Variants in SLC25A30 observed in about 807,000 individuals in gnomAD.
SLC25A30 encodes solute carrier family 25 member 30.
Under a neutral mutation model 42.7 loss-of-function variants are expected in SLC25A30, and 29 were observed. The ratio of observed to expected loss-of-function variants is 0.68; its 90% CI spans 0.51 to 0.93. The LOEUF (loss-of-function observed/expected upper bound fraction) is 0.93, where lower values mean the gene tolerates loss of function less well. Ranked by LOEUF, SLC25A30 falls within the 40% of genes least tolerant of loss-of-function variation. The probability of loss-of-function intolerance (pLI) is 0.00; values close to 1 mark genes in which losing one functional copy is unlikely to be tolerated. For synonymous variants in SLC25A30, 124 were observed against 131.0 expected, an observed-to-expected ratio of 0.95 and a Z score of 0.37; for missense variants, 300 against 359.7, an observed-to-expected ratio of 0.83 and a Z score of 1.34.
chr13:45,423,544 A>T, the SLC25A30 span, among the ~76,000 whole-genome samples: 1,702 of 89,556 alleles, frequency 0.019, 118 homozygotes, highest in African/African-American at 0.072. Context: ...ACAAATATAT[A>T]TAAATACATA....
At chr13:45,402,143 T>C (rs1338863750) in intron 6 of SLC25A30, 132 bp downstream of exon 6, 3 of 578,030 alleles carry the variant, frequency 5.2e-6, no homozygotes, top group Admixed American at 3.3e-5. Flanking sequence ...GATATTTTCA[T>C]GGGCAGAAGA....
At chr13:45,423,543 TATAAATACATA>T in the SLC25A30 span, among the ~76,000 whole-genome samples, 12 of 90,356 alleles carry the variant, frequency 1.3e-4, 1 homozygote, top group African/African-American at 4.3e-4. Context: ...TACAAATATA[TATAAATACATA>T]AAAAAAATAT....
At chr13:45,413,249 C>A (rs1052967745) in intron 1 of SLC25A30, among the ~76,000 whole-genome samples, 2 of 152,214 alleles carry the variant, frequency 1.3e-5, no homozygotes, top group African/African-American at 4.8e-5. Flanking sequence ...CCAAAAGACT[C>A]CTCTCATCTC....
At chr13:45,423,573 A>G in the SLC25A30 span, among the ~76,000 whole-genome samples, 2 of 83,724 alleles carry the variant, frequency 2.4e-5, no homozygotes, top group East Asian at 2.6e-4. Context: ...ATATAAATAT[A>G]TATAAAAATA....
chr13:45,423,004 G>T (rs116562069), upstream of SLC25A30, among the ~76,000 whole-genome samples: 1 of 152,050 alleles, frequency 6.6e-6, no homozygotes, highest in Non-Finnish European at 1.5e-5. Context: ...AACAGTTACC[G>T]CACTTCAAAA....
At chr13:45,417,506 A>G (rs1268229020) in intron 1 of SLC25A30, among the ~76,000 whole-genome samples, 1 of 152,168 alleles carries the variant, frequency 6.6e-6, no homozygotes, top group Non-Finnish European at 1.5e-5. Flanking sequence ...AAAGGTGCAG[A>G]AGGAAAACTA....
the SLC25A30 span, among the ~76,000 whole-genome samples, chr13:45,423,854 A>G: frequency 2.7e-5 from 2 of 72,814 alleles, no homozygotes; most frequent in East Asian, 3.5e-4. Context: ...ATGTAAATAT[A>G]TATATAAATA....
At chr13:45,421,431 A>G (rs982181533), upstream of SLC25A30, among the ~76,000 whole-genome samples, 2 of 151,736 alleles carry the variant, frequency 1.3e-5, no homozygotes, top group Non-Finnish European at 2.9e-5. Flanking sequence ...GTCCAGAAAT[A>G]TATCTACGAA....
Position 45,394,012 on chromosome 13 carries a change from G to A in SLC25A30, c.*1962C>T, listed in dbSNP as rs75376019. ...CTACATTAAAAAAAGAGCATTTCAAGAAAAGCAATCTTTAAACTCAAAGAA... is the reference window on the plus strand; with the variant it reads ...CTACATTAAAAAAAGAGCATTTCAAAAAAAGCAATCTTTAAACTCAAAGAA... On this transcript the variant is annotated 3_prime_UTR_variant, in exon 10 of 10. Coordinates refer to ENST00000519676, the MANE Select transcript of SLC25A30 (RefSeq NM_001010875.4). 1.3e-3 allele frequency: 1,315 copies of A among 985,046 alleles called. 14 individuals are homozygous for A. In the African/African-American group the frequency reaches 0.021, roughly 16 times the overall value. 61.0% of individuals were successfully genotyped at this position (985,046 alleles called of 1,614,324 possible). A position where few individuals can be genotyped will look rare whatever the true frequency, so the allele number is the denominator to read the frequency against.
At chr13:45,412,343 C>T (rs1028998905) in intron 1 of SLC25A30, among the ~76,000 whole-genome samples, 2 of 152,092 alleles carry the variant, frequency 1.3e-5, no homozygotes, top group African/African-American at 4.8e-5. Flanking sequence ...ATCTTCCAGC[C>T]CTAGCCTCCC....
upstream of SLC25A30, among the ~76,000 whole-genome samples, chr13:45,419,039 GAGAATCGCT>G (rs1160195823): frequency 1.6e-4 from 19 of 117,836 alleles, no homozygotes; most frequent in African/African-American, 5.5e-4. Context: ...GCTGAAACAG[GAGAATCGCT>G]TGAACCCGGG....
the SLC25A30 span, among the ~76,000 whole-genome samples, chr13:45,424,976 G>GTATACA: frequency 2.8e-4 from 2 of 7,110 alleles, no homozygotes; most frequent in East Asian, 5.7e-3. Context: ...ATATATATAA[G>GTATACA]TATATAAAAA....
At chr13:45,396,313 T>C (rs1881314388) in intron 9 of SLC25A30, 3 of 1,266,326 alleles carry the variant, frequency 2.4e-6, no homozygotes, top group Non-Finnish European at 3.0e-6. Context: ...TTTCCAGCAC[T>C]GTAAGCTTTT....
At chr13:45,406,466 C>T (rs1290551562) in intron 3 of SLC25A30, among the ~76,000 whole-genome samples, 1 of 152,210 alleles carries the variant, frequency 6.6e-6, no homozygotes, top group Non-Finnish European at 1.5e-5. Context: ...CCTAGCCCCT[C>T]ATATTTATTC....
rs1406096780 is a variant in SLC25A30, at chr13:45,393,506, A to G, written c.*2468T>C. ...ACAGGAGCCACTTTTTATATTATGA[A>G]TCCACAACATTAAGCATCAATGATT... is the stretch of plus-strand genomic sequence containing the variant. On this transcript the variant is annotated 3_prime_UTR_variant, in exon 10 of 10. Coordinates refer to ENST00000519676, the MANE Select transcript of SLC25A30 (RefSeq NM_001010875.4). The G allele has an allele frequency of 1.0e-4, 100 of 985,296 alleles. No individual in the cohort carries two copies. Among genetic ancestry groups the G allele is most frequent in the Non-Finnish European group, 1.2e-4 (99 of 829,920 alleles). 61.0% of individuals were successfully genotyped at this position (985,296 alleles called of 1,614,324 possible).
chr13:45,424,134 A>AAT, the SLC25A30 span, among the ~76,000 whole-genome samples: 8 of 53,028 alleles, frequency 1.5e-4, no homozygotes, highest in African/African-American at 7.8e-4. Context: ...TAAATATATA[A>AAT]ATATATAAAT....
Position 45,395,933 on chromosome 13 carries a change from G to C in SLC25A30, c.*41C>G. 6.2e-7 allele frequency: 1 copy of C among 1,614,132 alleles called. No homozygotes were observed. The highest frequency in any genetic ancestry group is 8.5e-7 in the Non-Finnish European group (1 of 1,180,004). ...CACAGGAAGCTTTGCTGTTTCAGAA[G>C]TTACCATTTTCAGAAAGATGTCTCA... On this transcript the variant is annotated 3_prime_UTR_variant, in exon 10 of 10. Transcript: ENST00000519676.
At chr13:45,418,956 A>AAAAAC, upstream of SLC25A30, among the ~76,000 whole-genome samples, 1 of 71,288 alleles carries the variant, frequency 1.4e-5, no homozygotes, top group Non-Finnish European at 2.7e-5. Context: ...AAAAAAAAAA[A>AAAAAC]AAAAAAAAAA....
intron 3 of SLC25A30, among the ~76,000 whole-genome samples, chr13:45,407,751 A>G (rs1412942974): frequency 6.6e-6 from 1 of 152,120 alleles, no homozygotes; most frequent in Non-Finnish European, 1.5e-5. Flanking sequence ...TGTGTTTCCT[A>G]AACCAGGACA....
Sources: allele counts gnomAD v4.1 joint callset (sites outside exome capture counted in the v4.1 genomes callset), GRCh38; gene constraint gnomAD v4.1.1; transcripts MANE v1.5; gene names NCBI Gene and HGNC (gene_info 2026-07-23, HGNC 2026-07-21).